Variants in ARHGAP1 observed in about 807,000 individuals in gnomAD.
ARHGAP1 encodes Rho GTPase activating protein 1.
A neutral mutation model predicts 52.2 loss-of-function variants in ARHGAP1; 23 were observed. The observed-to-expected ratio is 0.44, with a 90% confidence interval of 0.32 to 0.62. The LOEUF (loss-of-function observed/expected upper bound fraction) is 0.62. Among genes scored for constraint, ARHGAP1 ranks in the 20% least tolerant of loss-of-function variants. The pLI is 0.05. For synonymous variants in ARHGAP1, 210 were observed against 228.4 expected (o/e 0.92, Z 0.73); for missense variants, 480 against 560.9 (o/e 0.86, Z 1.46).
intron 1 of ARHGAP1, among the ~76,000 whole-genome samples, chr11:46,699,137 C>A (rs938984879): frequency 3.3e-5 from 5 of 152,036 alleles, no homozygotes; most frequent in African/African-American, 1.2e-4. Context: ...GGACTTTTTC[C>A]CTAAGAAAAC....
Position 46,688,193 on chromosome 11 carries a change from G to A in ARHGAP1, c.297C>T (p.Leu99=), listed in dbSNP as rs769038612. Reference sequence around the variant, plus strand: ...CTCACCCCAGGAGCTTGCTGTGGTCGAGCTGGTGGCTGGGGGGCATTCGAC... The same window carrying A: ...CTCACCCCAGGAGCTTGCTGTGGTCAAGCTGGTGGCTGGGGGGCATTCGAC... The part of the protein sequence containing the change: ...SACRMPPSHQ[L]DHSKLLGYLK... The change falls in exon 4 of 13, where the codon CTC becomes CTT. Residue 99 remains leucine, a synonymous_variant. Transcript: ENST00000311956. The A allele has an allele frequency of 7.4e-5, 120 of 1,613,776 alleles. No homozygotes were observed. The highest frequency in any genetic ancestry group is 9.7e-5 in the Non-Finnish European group (115 of 1,179,904).
chr11:46,679,141 C>T lies in ARHGAP1; in HGVS notation c.1216G>A (p.Ala406Thr), dbSNP rs748042272. ...FGPNLLWAKD[A>T]AITLKAINPI... ...TTAATGGCCTTGAGGGTGATGGCCG[C>T]ATCCTTGGCCCACAGCAGGTTAGGG... Residue 406 changes from alanine (A) to threonine (T), a missense_variant, in exon 13 of 13, where the codon GCG (alanine) becomes ACG (threonine). Ala to Thr is a moderately conservative substitution (Grantham distance 58). Coordinates refer to ENST00000311956, the MANE Select transcript of ARHGAP1 (RefSeq NM_004308.5). The surrounding 1 kb of genome is among the most constrained non-coding windows in gnomAD (Gnocchi z 4.4). 1 of 1,614,046 alleles carries T rather than the reference C, an allele frequency of 6.2e-7. No individual in the cohort carries two copies. Among genetic ancestry groups the T allele is most frequent in the Admixed American group, 1.7e-5 (1 of 60,002 alleles).
chr11:46,679,738 G>A lies in ARHGAP1; in HGVS notation c.937C>T (p.Leu313=). ...VDFDQYNELH[L]PAVILKTFLR... is the part of the protein sequence containing the mutation. ...AAGGTCTTGAGGATGACTGCTGGCA[G>A]GTGCAGCTCATTGTACTGGTCGAAA... The change falls in exon 11 of 13, where the codon CTG becomes TTG. Residue 313 remains leucine, a synonymous_variant. Transcript: ENST00000311956. The surrounding 1 kb of genome is among the most constrained non-coding windows in gnomAD (Gnocchi z 4.4). The A allele has an allele frequency of 6.2e-7, 1 of 1,613,990 alleles. No homozygotes were observed. Among genetic ancestry groups the A allele is most frequent in the Non-Finnish European group, 8.5e-7 (1 of 1,179,988 alleles).
intron 3 of ARHGAP1, among the ~76,000 whole-genome samples, chr11:46,692,883 C>G (rs1268433275): frequency 6.7e-6 from 1 of 150,320 alleles, no homozygotes; most frequent in Non-Finnish European, 1.5e-5. Context: ...GACGGCGTCT[C>G]GCTCTGTTGC....
At chr11:46,692,314 C>A (rs1268621465) in intron 3 of ARHGAP1, among the ~76,000 whole-genome samples, 1 of 152,178 alleles carries the variant, frequency 6.6e-6, no homozygotes, top group African/African-American at 2.4e-5. Flanking sequence ...ATCTGCCTAC[C>A]TCCTTCTAAG....
intron 3 of ARHGAP1, among the ~76,000 whole-genome samples, chr11:46,689,327 G>A (rs2064594303): frequency 6.6e-6 from 1 of 151,558 alleles, no homozygotes. Flanking sequence ...ATAGAGACAG[G>A]AAGCAAATTA....
intron 4 of ARHGAP1, among the ~76,000 whole-genome samples, chr11:46,682,447 GCCAAGGCGGGTGGATCA>G (rs1281560493): frequency 6.6e-6 from 1 of 152,248 alleles, no homozygotes; most frequent in Non-Finnish European, 1.5e-5. Context: ...ACTTTGGGAG[GCCAAGGCGGGTGGATCA>G]CCTGAGGTCA....
At chr11:46,689,279 T>C (rs79443985) in intron 3 of ARHGAP1, among the ~76,000 whole-genome samples, 20,681 of 152,102 alleles carry the variant, frequency 0.14, 1,418 homozygotes, top group Non-Finnish European at 0.16. Context: ...ACCAAGTCTA[T>C]GATTCCAGTT....
intron 3 of ARHGAP1, among the ~76,000 whole-genome samples, chr11:46,693,407 C>CTTTTT (rs11418068): frequency 1.4e-5 from 2 of 145,614 alleles, no homozygotes. Context: ...AGACTGTAAT[C>CTTTTT]TTTTTTTTTT....
chr11:46,688,302 A>G (rs538060375), intron 3 of ARHGAP1, 42 bp from the exon 4 acceptor site: 1 of 1,577,862 alleles, frequency 6.3e-7, no homozygotes, highest in South Asian at 1.1e-5. Flanking sequence ...TTGAAGGGGA[A>G]CCAAAAGAAG....
chr11:46,679,806 G>A lies in ARHGAP1; in HGVS notation c.899-30C>T, dbSNP rs115886232. The A allele has an allele frequency of 1.5e-3, 2,459 of 1,611,636 alleles. 23 individuals carry two copies. The African/African-American group carries it at 0.029, about 19-fold the overall frequency. On this transcript the variant is annotated intron_variant, in intron 10 of 12. Transcript: ENST00000311956. This position sits in a 1 kb window ranked among gnomAD's most constrained non-coding sequence, Gnocchi z 4.4. ...GGTGGGGGCAGCGTGAGAGAAGCTC[G>A]GCACAGCCTGAAGGGCAGCACCCAT...
rs1333762215 is a variant in ARHGAP1 at position 46,678,413 on chromosome 11, C to T, written c.*624G>A. 1 of 164,596 alleles carries T rather than the reference C, an allele frequency of 6.1e-6. No homozygotes were observed. Among genetic ancestry groups the T allele is most frequent in the Non-Finnish European group, 1.3e-5 (1 of 75,064 alleles). 10.2% of individuals were successfully genotyped at this position (164,596 alleles called of 1,614,324 possible). Reference sequence around the variant, plus strand: ...GGCAGTATCACTTGGGAAAGGCTGACCCAGGATGTGTGGAAGAGGAGGCAG... The same window carrying T: ...GGCAGTATCACTTGGGAAAGGCTGATCCAGGATGTGTGGAAGAGGAGGCAG... On this transcript the variant is annotated 3_prime_UTR_variant, in exon 13 of 13. Transcript: ENST00000311956.
rs2064521043 is a variant in ARHGAP1, at chr11:46,680,900, A to G, written c.635+111T>C. 1 of 1,134,014 alleles carries G rather than the reference A, an allele frequency of 8.8e-7. No individual in the cohort carries two copies. Among genetic ancestry groups the G allele is most frequent in the East Asian group, 2.4e-5 (1 of 42,438 alleles). 70.2% of individuals were successfully genotyped at this position (1,134,014 alleles called of 1,614,324 possible). A position where few individuals can be genotyped will look rare whatever the true frequency, so the allele number is the denominator to read the frequency against. On this transcript the variant is annotated intron_variant, in intron 7 of 12. Transcript: ENST00000311956. This position sits in a 1 kb window ranked among gnomAD's most constrained non-coding sequence, Gnocchi z 5.9. ...CCACAGCAGAAAGCAAAGACCTGGG[A>G]GAGGTCGGGACACGGGCTTGCTCTG...
rs779316716 is a variant in ARHGAP1, at chr11:46,681,153, G to A, written c.537-44C>T. 6.3e-6 allele frequency: 10 copies of A among 1,580,110 alleles called. No individual in the cohort carries two copies. The highest frequency in any genetic ancestry group is 4.4e-5 in the South Asian group (4 of 90,306). Reference sequence around the variant, plus strand: ...GCCTGGGTTGTGGGGGCCCGCTTCCGGTGGCCTCCACTCTCCCCTCAACAC... The same window carrying A: ...GCCTGGGTTGTGGGGGCCCGCTTCCAGTGGCCTCCACTCTCCCCTCAACAC... On this transcript the variant is annotated intron_variant, in intron 6 of 12. Transcript: ENST00000311956. The surrounding 1 kb of genome is among the most constrained non-coding windows in gnomAD (Gnocchi z 5.7).
Position 46,682,238 on chromosome 11 carries a change from A to G in ARHGAP1, c.318-56T>C, listed in dbSNP as rs564130164. On this transcript the variant is annotated intron_variant, in intron 4 of 12. Coordinates refer to ENST00000311956, the MANE Select transcript of ARHGAP1 (RefSeq NM_004308.5). ...CCTGTGCACAGGGGCGGCCCCACGA[A>G]GACAGAAAGCAGCCCCAAGAGTCTC... The G allele has an allele frequency of 1.3e-3, 2,144 of 1,601,112 alleles. 2 individuals carry two copies. The highest frequency in any genetic ancestry group is 1.6e-3 in the Non-Finnish European group (1,877 of 1,170,510).
At position 46,678,139 on chromosome 11, in the gene ARHGAP1, G is replaced by A; in HGVS notation, c.*898C>T. 1 of 292,080 alleles carries A rather than the reference G, an allele frequency of 3.4e-6. No individual in the cohort carries two copies. Among genetic ancestry groups the A allele is most frequent in the Non-Finnish European group, 6.8e-6 (1 of 147,420 alleles). The allele number at this position is 292,080 out of a possible 1,614,324, so 18.1% of individuals were successfully genotyped here. On this transcript the variant is annotated 3_prime_UTR_variant, in exon 13 of 13. Coordinates refer to ENST00000311956, the MANE Select transcript of ARHGAP1 (RefSeq NM_004308.5). ...ATCCTGAGGCACTGAGTCACCTCTGGCTGGGGCAGGGGCCAGTGTGACTCC... is the reference window on the plus strand; with the variant it reads ...ATCCTGAGGCACTGAGTCACCTCTGACTGGGGCAGGGGCCAGTGTGACTCC...
intron 4 of ARHGAP1, among the ~76,000 whole-genome samples, chr11:46,683,869 A>C (rs1465413227): frequency 6.6e-6 from 1 of 151,824 alleles, no homozygotes; most frequent in African/African-American, 2.4e-5. Flanking sequence ...CCAACTCCCA[A>C]CCTCAGGTGA....
chr11:46,696,177 T>TGGCA lies in ARHGAP1; in HGVS notation c.-49-25_-49-22dup. 2.0e-6 allele frequency: 3 copies of TGGCA among 1,516,928 alleles called. No homozygotes were observed. Among genetic ancestry groups the TGGCA allele is most frequent in the South Asian group, 2.4e-5 (2 of 83,064 alleles). The allele number at this position is 1,516,928 out of a possible 1,614,324, so 94.0% of individuals were successfully genotyped here. On this transcript the variant is annotated intron_variant, in intron 1 of 12. Transcript: ENST00000311956. The surrounding 1 kb of genome is among the most constrained non-coding windows in gnomAD (Gnocchi z 4.8). The stretch of plus-strand genomic sequence containing the variant: ...GAAACCTGGGAGAGAGGAAGACAGG[T>TGGCA]GGCAGGTCAGTGACCTGCTCTTTTC...
rs182761032 is a variant in ARHGAP1, at chr11:46,689,427, T to A, written c.230-1167A>T. Among the ~76,000 whole-genome samples, 520 of 152,308 alleles carry A rather than the reference T, an allele frequency of 3.4e-3. 3 individuals carry two copies. Among genetic ancestry groups the A allele is most frequent in the African/African-American group, 0.012 (506 of 41,570 alleles). On this transcript the variant is annotated intron_variant, in intron 3 of 12. Transcript: ENST00000311956. ...GTATGGGTATGGGTGGTGAAAATGT[T>A]TTGGGATTAGATGGAGGTGATAATT...
Sources: gnomAD v4.1 joint callset for allele counts (sites outside exome capture counted in the v4.1 genomes callset) on GRCh38, gnomAD v4.1.1 for gene constraint, Gnocchi (gnomAD v3.1) non-coding constraint, MANE v1.5 for transcripts, NCBI Gene and HGNC (gene_info 2026-07-23, HGNC 2026-07-21) for gene names.